The following FLT1 variants were observed in gnomAD, a reference collection of about 807,000 sequenced individuals.
The protein encoded by FLT1 is fms related receptor tyrosine kinase 1.
A neutral mutation model predicts 156.3 loss-of-function variants in FLT1; 49 were observed. The ratio of observed to expected loss-of-function variants is 0.31; its 90% CI spans 0.25 to 0.40. The LOEUF is 0.40. Ranked by LOEUF, FLT1 falls within the 10% of genes least tolerant of loss-of-function variation. The probability of loss-of-function intolerance (pLI) is 1.00; values close to 1 mark genes in which losing one functional copy is unlikely to be tolerated. For synonymous variants in FLT1, 594 were observed against 583.8 expected (o/e 1.02, Z -0.25); for missense variants, 1,322 against 1,637.2 (o/e 0.81, Z 3.32).
In FLT1 at chr13:28,473,671, A is replaced by AG. The variant is rs1880312263; in HGVS notation, c.65-6055_65-6054insC. On this transcript the variant is annotated intron_variant, in intron 1 of 29. Transcript: ENST00000282397. Reference sequence around the variant, plus strand: ...AAAGAAAGAAAGAAAGAAAGAAAGAAAGAGAGAGAGAGAGAGAGAGAGAAA... The same window carrying AG: ...AAAGAAAGAAAGAAAGAAAGAAAGAAGAGAGAGAGAGAGAGAGAGAGAGAAA... Among the ~76,000 whole-genome samples the AG allele has an allele frequency of 3.4e-5, 4 of 118,358 alleles. No homozygotes were observed. In the Admixed American group the frequency reaches 3.7e-4, roughly 11 times the overall value. 77.6% of individuals were successfully genotyped at this position (118,358 alleles called of 152,430 possible). A position where few individuals can be genotyped will look rare whatever the true frequency, so the allele number is the denominator to read the frequency against.
Position 28,357,461 on chromosome 13 carries a change from G to A in FLT1, c.2248+93C>T, listed in dbSNP as rs551268008. ...AGGTCAGGGAAAGGAACAGACTGGA[G>A]CAGGCAGCAGGAGACTGGGAGGTGG... On this transcript the variant is annotated intron_variant, in intron 15 of 29. Coordinates refer to ENST00000282397, the MANE Select transcript of FLT1 (RefSeq NM_002019.4). 9 of 1,277,328 alleles carry A rather than the reference G, an allele frequency of 7.0e-6. No individual in the cohort carries two copies. In the South Asian group the frequency reaches 8.4e-5, roughly 12 times the overall value. 79.1% of individuals were successfully genotyped at this position (1,277,328 alleles called of 1,614,324 possible). A position where few individuals can be genotyped will look rare whatever the true frequency, so the allele number is the denominator to read the frequency against.
At chr13:28,419,191 ATCCATCATGCCCTT>A (rs1318067209) in intron 10 of FLT1, among the ~76,000 whole-genome samples, 6 of 152,176 alleles carry the variant, frequency 3.9e-5, no homozygotes. Context: ...CAGAGTCTAA[ATCCATCATGCCCTT>A]TCCATCTTAT....
intron 15 of FLT1, among the ~76,000 whole-genome samples, chr13:28,351,625 T>G (rs1459494163): frequency 6.6e-6 from 1 of 152,206 alleles, no homozygotes; most frequent in East Asian, 1.9e-4. Flanking sequence ...CTAAGGACAG[T>G]GATGTATGGA....
chr13:28,419,742 T>G (rs1281477986), intron 10 of FLT1, among the ~76,000 whole-genome samples: 1 of 152,082 alleles, frequency 6.6e-6, no homozygotes, highest in Non-Finnish European at 1.5e-5. Flanking sequence ...AGCCAGGTGT[T>G]GTGGCACGCG....
chr13:28,414,241 C>A (rs1035004628), intron 10 of FLT1, among the ~76,000 whole-genome samples: 1 of 152,190 alleles, frequency 6.6e-6, no homozygotes, highest in African/African-American at 2.4e-5. Flanking sequence ...GTTTGTTTCA[C>A]TTCTTCTCGC....
intron 3 of FLT1, among the ~76,000 whole-genome samples, chr13:28,460,261 T>C (rs1879490637): frequency 6.6e-6 from 1 of 152,216 alleles, no homozygotes; most frequent in Non-Finnish European, 1.5e-5. Context: ...CAGAGCCCTC[T>C]TCACTCCTTA....
At chr13:28,357,492 TAAAC>T in intron 15 of FLT1, 58 bp downstream of exon 15, 5 of 1,583,674 alleles carry the variant, frequency 3.2e-6, no homozygotes, top group Non-Finnish European at 3.5e-6. Flanking sequence ...GGTGGAAAGT[TAAAC>T]AAACAGGGAA....
intron 3 of FLT1, among the ~76,000 whole-genome samples, chr13:28,447,126 T>G (rs1368727374): frequency 3.0e-5 from 4 of 133,238 alleles, no homozygotes; most frequent in African/African-American, 1.1e-4. Context: ...AACCAAAAAC[T>G]GCTAACTATA....
chr13:28,431,274 G>C lies in FLT1; in HGVS notation c.850C>G (p.Gln284Glu), dbSNP rs1309136580. The C allele has an allele frequency of 6.2e-7, 1 of 1,613,714 alleles. No homozygotes were observed. Residue 284 changes from glutamine to glutamate, a missense_variant, in exon 7 of 30, where the codon CAA (glutamine) becomes GAA (glutamate). By Grantham distance (29) the Gln-to-Glu change is conservative. This residue lies in a region of FLT1 where 991 missense variants were observed against 1,254.8 expected (regional missense o/e 0.79). Transcript: ENST00000282397. ...KRASVRRRIDQSNSHANIFYS... is the reference protein window; with the variant it reads ...KRASVRRRIDESNSHANIFYS... ...AATATGTTGGCATGGGAATTGCTTT[G>C]GTCAATTCGTCGCCTTACGGAAGCT...
intron 14 of FLT1, among the ~76,000 whole-genome samples, chr13:28,382,236 C>T (rs1874110311): frequency 6.6e-6 from 1 of 152,144 alleles, no homozygotes; most frequent in Non-Finnish European, 1.5e-5. Flanking sequence ...AACACCCAAT[C>T]TGGGTCTTAA....
At chr13:28,467,656 G>T (rs1879924843) in intron 1 of FLT1, 39 bp from the exon 2 acceptor site, 3 of 1,141,638 alleles carry the variant, frequency 2.6e-6, no homozygotes, top group Non-Finnish European at 3.9e-6. Context: ...TTTGTAAATT[G>T]TCTTCTTACC....
chr13:28,370,505 G>T (rs1873512714), intron 14 of FLT1, among the ~76,000 whole-genome samples: 1 of 152,182 alleles, frequency 6.6e-6, no homozygotes. Flanking sequence ...GTTTCTAAAA[G>T]CCTTGAAGAG....
rs747859208 is a variant in FLT1 at position 28,322,446 on chromosome 13, TAAAAC to T, written c.2954-92_2954-88del. 8.9e-6 allele frequency: 8 copies of T among 898,896 alleles called. No individual in the cohort carries two copies. In the Admixed American group the frequency reaches 1.1e-4, roughly 12 times the overall value. The allele number at this position is 898,896 out of a possible 1,614,324, so 55.7% of individuals were successfully genotyped here. On this transcript the variant is annotated intron_variant, in intron 21 of 29. Transcript: ENST00000282397. The surrounding 1 kb of genome is among the most constrained non-coding windows in gnomAD (Gnocchi z 4.3). ...TTATTGGAACAATGTTAGCAAAACATAAAACAAACCAACAAGTAGATCAGAGTTCA... is the reference window on the plus strand; with the variant it reads ...TTATTGGAACAATGTTAGCAAAACATAAACCAACAAGTAGATCAGAGTTCA...
intron 16 of FLT1, among the ~76,000 whole-genome samples, chr13:28,341,985 C>T (rs1445951073): frequency 6.6e-6 from 1 of 152,100 alleles, no homozygotes; most frequent in Middle Eastern, 3.2e-3. Flanking sequence ...CGGGTTCATG[C>T]GATTCTCCTG....
Position 28,321,590 on chromosome 13 carries a change from A to G in FLT1, c.3052-5T>C, listed in dbSNP as rs1414853319. The G allele has an allele frequency of 6.2e-7, 1 of 1,613,878 alleles. No homozygotes were observed. The highest frequency in any genetic ancestry group is 8.5e-7 in the Non-Finnish European group (1 of 1,179,862). ...TGCCAGGTCCCGATGAATGCACTAT[A>G]ATAAAACAGTTGCATAATCAATGCA... On this transcript the variant is annotated splice_region_variant and splice_polypyrimidine_tract_variant and intron_variant, in intron 22 of 29. Coordinates refer to ENST00000282397, the MANE Select transcript of FLT1 (RefSeq NM_002019.4).
intron 3 of FLT1, among the ~76,000 whole-genome samples, chr13:28,464,108 G>T (rs1038916709): frequency 3.3e-5 from 5 of 151,882 alleles, no homozygotes; most frequent in Non-Finnish European, 7.4e-5. Flanking sequence ...TAAAAATAGT[G>T]GTCTCATAAT....
chr13:28,370,900 C>T (rs964456363), intron 14 of FLT1, among the ~76,000 whole-genome samples: 10 of 152,184 alleles, frequency 6.6e-5, no homozygotes, highest in African/African-American at 2.2e-4. Flanking sequence ...GATGAAGTAG[C>T]GACTCTAATG....
chr13:28,308,766 A>G, intron 28 of FLT1, 77 bp downstream of exon 28: 2 of 878,510 alleles, frequency 2.3e-6, no homozygotes, highest in Non-Finnish European at 3.9e-6. Context: ...CTACTACATT[A>G]CTGGCGTTGG....
At chr13:28,349,881 C>T (rs1026890682) in intron 15 of FLT1, among the ~76,000 whole-genome samples, 9 of 152,150 alleles carry the variant, frequency 5.9e-5, no homozygotes, top group Non-Finnish European at 8.8e-5. Flanking sequence ...ATGTTCAGTA[C>T]TGCTTATTGA....
Sources: allele counts gnomAD v4.1 joint callset (sites outside exome capture counted in the v4.1 genomes callset), GRCh38; gene constraint gnomAD v4.1.1; regional missense constraint gnomAD v4.1.1; non-coding constraint Gnocchi (gnomAD v3.1); transcripts MANE v1.5; gene names NCBI Gene and HGNC (gene_info 2026-07-23, HGNC 2026-07-21).